ROBO2: variants seen among roughly 807,000 people sequenced by gnomAD.
ROBO2 encodes roundabout guidance receptor 2.
A neutral mutation model predicts 160.8 loss-of-function variants in ROBO2; 53 were observed. The observed-to-expected ratio is 0.33, with a 90% CI of 0.26 to 0.41. The LOEUF (loss-of-function observed/expected upper bound fraction) is 0.41. ROBO2 is among the 10% of genes least tolerant of loss of function. ROBO2 has a pLI of 1.00. For synonymous variants in ROBO2, 664 were observed against 611.7 expected (o/e 1.09, Z -1.26); for missense variants, 1,577 against 1,722.4 (o/e 0.92, Z 1.49).
chr3:77,430,261 T>G (rs2153540959), intron 2 of ROBO2, among the ~76,000 whole-genome samples: 1 of 152,128 alleles, frequency 6.6e-6, no homozygotes, highest in African/African-American at 2.4e-5. Flanking sequence ...TGTGGAAGCT[T>G]GGAAAGGAAG....
At chr3:77,498,642 A>G (rs2087121959) in intron 5 of ROBO2, among the ~76,000 whole-genome samples, 2 of 152,042 alleles carry the variant, frequency 1.3e-5, no homozygotes, top group South Asian at 4.1e-4. Flanking sequence ...TTTTTATACA[A>G]AGTGGCTCTT....
At chr3:77,230,702 T>C (rs886742247) in intron 2 of ROBO2, among the ~76,000 whole-genome samples, 1 of 152,162 alleles carries the variant, frequency 6.6e-6, no homozygotes, top group Non-Finnish European at 1.5e-5. Flanking sequence ...AAGGTTGGCT[T>C]CCACATTAAC....
chr3:76,993,662 A>G (rs1323887937), intron 2 of ROBO2, among the ~76,000 whole-genome samples: 1 of 152,130 alleles, frequency 6.6e-6, no homozygotes, highest in Non-Finnish European at 1.5e-5. Flanking sequence ...AGGAAGAAGA[A>G]AAGGAAAGTT....
At chr3:76,453,724 A>G (rs367872246) in intron 2 of ROBO2, among the ~76,000 whole-genome samples, 8 of 152,146 alleles carry the variant, frequency 5.3e-5, no homozygotes, top group Admixed American at 3.3e-4. Flanking sequence ...TGGGCATGCA[A>G]TTAGGCACCT....
At chr3:75,976,242 C>T (rs191526773) in intron 2 of ROBO2, among the ~76,000 whole-genome samples, 1 of 151,730 alleles carries the variant, frequency 6.6e-6, no homozygotes, top group East Asian at 2.0e-4. Flanking sequence ...GTTTAAAAAA[C>T]TGTACTGAAA....
chr3:76,226,800 C>A (rs1160696367), intron 2 of ROBO2, among the ~76,000 whole-genome samples: 1 of 152,146 alleles, frequency 6.6e-6, no homozygotes, highest in East Asian at 1.9e-4. Context: ...GCTTAAAAAT[C>A]AATTTAATGG....
chr3:76,026,893 C>T (rs1464741675), intron 2 of ROBO2, among the ~76,000 whole-genome samples: 1 of 151,858 alleles, frequency 6.6e-6, no homozygotes, highest in Non-Finnish European at 1.5e-5. Flanking sequence ...ACATTTTGGA[C>T]TGCCTCGAGA....
intron 2 of ROBO2, among the ~76,000 whole-genome samples, chr3:77,293,777 T>C (rs557816537): frequency 1.4e-4 from 20 of 141,258 alleles, no homozygotes; most frequent in Admixed American, 5.9e-4. Flanking sequence ...AAAGTAAAAT[T>C]GATGGTTAAA....
intron 2 of ROBO2, among the ~76,000 whole-genome samples, chr3:76,796,288 G>GT (rs960738736): frequency 1.3e-5 from 2 of 151,856 alleles, no homozygotes; most frequent in African/African-American, 4.8e-5. Context: ...TGAAAAATAT[G>GT]TTTTTTAGTG....
intron 2 of ROBO2, among the ~76,000 whole-genome samples, chr3:76,965,709 A>G (rs978211936): frequency 1.3e-5 from 2 of 149,652 alleles, no homozygotes; most frequent in Non-Finnish European, 3.0e-5. Flanking sequence ...TATAAGGATT[A>G]GAGATGTCTG....
chr3:76,350,775 A>C (rs974278265), intron 2 of ROBO2, among the ~76,000 whole-genome samples: 2 of 151,944 alleles, frequency 1.3e-5, no homozygotes, highest in African/African-American at 4.8e-5. Flanking sequence ...CTTACATGAA[A>C]CAAGTAGAAA....
At chr3:77,258,477 G>C (rs1580435597) in intron 2 of ROBO2, among the ~76,000 whole-genome samples, 2 of 151,970 alleles carry the variant, frequency 1.3e-5, no homozygotes, top group Admixed American at 1.3e-4. Context: ...GGTAAGATTA[G>C]CTGGCCATGG....
intron 2 of ROBO2, chr3:76,435,030 G>C: frequency 1.4e-6 from 2 of 1,385,148 alleles, no homozygotes; most frequent in Non-Finnish European, 2.1e-6. Flanking sequence ...GGTGATTGAG[G>C]ATGCAGAGCT....
chr3:77,645,436 G>T (rs1221884738), intron 25 of ROBO2, among the ~76,000 whole-genome samples: 6 of 152,096 alleles, frequency 3.9e-5, no homozygotes, highest in African/African-American at 1.4e-4. Context: ...TAGGTAGTTA[G>T]TACAATTAAT....
intron 2 of ROBO2, among the ~76,000 whole-genome samples, chr3:76,356,824 G>A (rs936175451): frequency 2.0e-4 from 30 of 151,754 alleles, no homozygotes; most frequent in African/African-American, 6.5e-4. Flanking sequence ...TTTCAAGATC[G>A]TAGAAAACGT....
chr3:76,176,049 A>G (rs1416556541), intron 2 of ROBO2, among the ~76,000 whole-genome samples: 1 of 152,096 alleles, frequency 6.6e-6, no homozygotes, highest in African/African-American at 2.4e-5. Context: ...GTTGTCAAAA[A>G]TGTTTTATGG....
At chr3:77,380,217 C>CT (rs1399362865) in intron 2 of ROBO2, among the ~76,000 whole-genome samples, 4 of 152,112 alleles carry the variant, frequency 2.6e-5, no homozygotes, top group East Asian at 1.9e-4. Flanking sequence ...GAATATCTTG[C>CT]TTTTTTTGGA....
intron 2 of ROBO2, among the ~76,000 whole-genome samples, chr3:76,742,213 T>C (rs1307111823): frequency 3.9e-5 from 6 of 152,132 alleles, no homozygotes; most frequent in Non-Finnish European, 7.4e-5. Context: ...CTACATATTT[T>C]ACCTAAAGAA....
intron 2 of ROBO2, among the ~76,000 whole-genome samples, chr3:76,931,000 C>G (rs1156927513): frequency 2.6e-5 from 4 of 151,982 alleles, no homozygotes; most frequent in Admixed American, 6.5e-5. Flanking sequence ...CCTTTTTTTT[C>G]TCTGCTAGAA....
Sources: gnomAD v4.1 joint callset for allele counts (sites outside exome capture counted in the v4.1 genomes callset) on GRCh38, gnomAD v4.1.1 for gene constraint, MANE v1.5 for transcripts, NCBI Gene and HGNC (gene_info 2026-07-23, HGNC 2026-07-21) for gene names.